The following PIP5K1C variants were observed in gnomAD, a reference collection of about 807,000 sequenced individuals.
PIP5K1C encodes phosphatidylinositol-4-phosphate 5-kinase type 1 gamma.
Under a neutral mutation model 80.1 loss-of-function variants are expected in PIP5K1C, and 45 were observed. That is an observed-to-expected ratio of 0.56 (90% CI 0.44 to 0.72). The LOEUF is 0.72. Ranked by LOEUF, PIP5K1C falls within the 30% of genes least tolerant of loss-of-function variation. The pLI, the probability that PIP5K1C is intolerant of heterozygous loss-of-function variation, is 0.00. For synonymous variants in PIP5K1C, 498 were observed against 420.1 expected (o/e 1.19, Z -2.27); for missense variants, 753 against 954.6 (o/e 0.79, Z 2.78).
chr19:3,643,160 A>G, intron 13 of PIP5K1C, 83 bp downstream of exon 13: 1 of 1,594,250 alleles, frequency 6.3e-7, no homozygotes, highest in Non-Finnish European at 8.5e-7. Flanking sequence ...TGCACAGCGG[A>G]TGCCCCGCCC....
At chr19:3,691,813 G>A (rs1375231395) in intron 1 of PIP5K1C, among the ~76,000 whole-genome samples, 1 of 152,194 alleles carries the variant, frequency 6.6e-6, no homozygotes, top group Non-Finnish European at 1.5e-5. Flanking sequence ...CTGAGAGATC[G>A]GGGAGCAAAA....
intron 1 of PIP5K1C, among the ~76,000 whole-genome samples, chr19:3,695,633 G>A (rs1006746109): frequency 6.6e-6 from 1 of 152,214 alleles, no homozygotes; most frequent in South Asian, 2.1e-4. Flanking sequence ...AGGCGGCCAG[G>A]GCGGGAGAGA....
chr19:3,688,541 C>T lies in PIP5K1C; in HGVS notation c.94+11756G>A, dbSNP rs1207212865. Reference sequence around the variant, plus strand: ...CTGGTTTCAACTCCTGCTGTGAGCACCTGGCCTTTCCCTGGTCCACTGAGA... The same window carrying T: ...CTGGTTTCAACTCCTGCTGTGAGCATCTGGCCTTTCCCTGGTCCACTGAGA... On this transcript the variant is annotated intron_variant, in intron 1 of 17. Transcript: ENST00000335312. This position sits in a 1 kb window ranked among gnomAD's most constrained non-coding sequence, Gnocchi z 5.3. 6.6e-6 allele frequency among the ~76,000 whole-genome samples: 1 copy of T among 152,140 alleles called. No individual in the cohort carries two copies.
At chr19:3,683,346 G>C (rs143895868) in intron 1 of PIP5K1C, among the ~76,000 whole-genome samples, 129 of 152,304 alleles carry the variant, frequency 8.5e-4, no homozygotes, top group Non-Finnish European at 1.5e-3. Flanking sequence ...GCTCAGGAGG[G>C]AAACGGGGTT....
chr19:3,645,456 G>A lies in PIP5K1C; in HGVS notation c.1345+518C>T, dbSNP rs147849555. On this transcript the variant is annotated intron_variant, in intron 11 of 17. Coordinates refer to ENST00000335312, the MANE Select transcript of PIP5K1C (RefSeq NM_012398.3). ...GCCCTGAGAGATGGGGACCTCCCCCGGGCACCCTGTGGGTGAATCCCGAGT... is the reference window on the plus strand; with the variant it reads ...GCCCTGAGAGATGGGGACCTCCCCCAGGCACCCTGTGGGTGAATCCCGAGT... Among the ~76,000 whole-genome samples, 384 of 152,292 alleles carry A rather than the reference G, an allele frequency of 2.5e-3. 5 individuals are homozygous for A. The highest frequency in any genetic ancestry group is 8.8e-3 in the African/African-American group (367 of 41,566).
At chr19:3,675,008 G>A (rs2035315407) in intron 1 of PIP5K1C, among the ~76,000 whole-genome samples, 1 of 152,208 alleles carries the variant, frequency 6.6e-6, no homozygotes, top group South Asian at 2.1e-4. Flanking sequence ...AGGCCATGCA[G>A]TGTGTGACCC....
At chr19:3,634,904 T>C (rs1397469814) in intron 16 of PIP5K1C, among the ~76,000 whole-genome samples, 1 of 152,258 alleles carries the variant, frequency 6.6e-6, no homozygotes, top group East Asian at 1.9e-4. Flanking sequence ...ACTCCTGCAC[T>C]GAGGGGCCAG....
chr19:3,644,468 C>CAT (rs1370629681), intron 11 of PIP5K1C, among the ~76,000 whole-genome samples: 2 of 152,204 alleles, frequency 1.3e-5, no homozygotes, highest in African/African-American at 4.8e-5. Flanking sequence ...ACCCGACTGT[C>CAT]TCTATGAGAC....
At chr19:3,641,865 C>T in intron 14 of PIP5K1C, 56 bp from the exon 15 acceptor site, 2 of 1,413,928 alleles carry the variant, frequency 1.4e-6, no homozygotes, top group Non-Finnish European at 2.0e-6. Flanking sequence ...CCCATCCTAC[C>T]CCCAGGAGTG....
intron 1 of PIP5K1C, among the ~76,000 whole-genome samples, chr19:3,698,530 G>A (rs1317004256): frequency 6.6e-6 from 1 of 152,216 alleles, no homozygotes; most frequent in African/African-American, 2.4e-5. Flanking sequence ...TCTCACCAGG[G>A]CCGTCCTGCC....
chr19:3,636,472 C>T (rs1371008177), intron 16 of PIP5K1C: 1 of 985,582 alleles, frequency 1.0e-6, no homozygotes, highest in East Asian at 1.1e-4. Context: ...TTTCAAAGTC[C>T]AAGCACCCCC....
At chr19:3,645,937 A>G in intron 11 of PIP5K1C, 37 bp downstream of exon 11, 1 of 1,532,320 alleles carries the variant, frequency 6.5e-7, no homozygotes, top group Non-Finnish European at 9.0e-7. Flanking sequence ...GGCCTTCCCC[A>G]GGGTCCCTCC....
intron 1 of PIP5K1C, among the ~76,000 whole-genome samples, chr19:3,698,226 G>A (rs1243394287): frequency 1.3e-5 from 2 of 152,234 alleles, no homozygotes; most frequent in Admixed American, 6.5e-5. Context: ...GTGGCCAACC[G>A]GCACGACAAT....
At chr19:3,636,241 A>T (rs2145367803) in intron 16 of PIP5K1C, 1 of 294,154 alleles carries the variant, frequency 3.4e-6, no homozygotes, top group East Asian at 1.7e-4. Context: ...ACCCTCAGCC[A>T]GCAGCTGGGC....
chr19:3,631,916 G>A lies in PIP5K1C; in HGVS notation c.*1251C>T, dbSNP rs1443326985. 2.0e-5 allele frequency: 3 copies of A among 152,282 alleles called. No homozygotes were observed. The highest frequency in any genetic ancestry group is 4.4e-5 in the Non-Finnish European group (3 of 68,064). 9.4% of individuals were successfully genotyped at this position (152,282 alleles called of 1,614,324 possible). ...ACATCCTGGGCACATCTTGGAAGTGGGGGATTCCCACAGCCATCACCAATA... is the reference window on the plus strand; with the variant it reads ...ACATCCTGGGCACATCTTGGAAGTGAGGGATTCCCACAGCCATCACCAATA... On this transcript the variant is annotated 3_prime_UTR_variant, in exon 18 of 18. Coordinates refer to ENST00000335312, the MANE Select transcript of PIP5K1C (RefSeq NM_012398.3).
chr19:3,666,109 G>A (rs528033867), intron 2 of PIP5K1C, among the ~76,000 whole-genome samples: 1 of 152,304 alleles, frequency 6.6e-6, no homozygotes, highest in Non-Finnish European at 1.5e-5. Context: ...CCCCCACGCC[G>A]GGGGACTCTG....
chr19:3,645,541 GCCT>G (rs963449936), intron 11 of PIP5K1C, among the ~76,000 whole-genome samples: 1 of 152,228 alleles, frequency 6.6e-6, no homozygotes, highest in Non-Finnish European at 1.5e-5. Context: ...TGCTGGGCTA[GCCT>G]CCTGCGTTCC....
At chr19:3,671,011 G>A (rs532112474) in intron 1 of PIP5K1C, among the ~76,000 whole-genome samples, 6 of 152,344 alleles carry the variant, frequency 3.9e-5, no homozygotes, top group South Asian at 4.1e-4. Flanking sequence ...TTGGGTTGGC[G>A]GCCCGGGAGC....
chr19:3,668,857 G>A (rs551115706), intron 1 of PIP5K1C, among the ~76,000 whole-genome samples: 9 of 152,304 alleles, frequency 5.9e-5, no homozygotes, highest in African/African-American at 2.2e-4. Flanking sequence ...AGTTCCAGGC[G>A]GAGGGAACGG....
Sources: allele counts gnomAD v4.1 joint callset (sites outside exome capture counted in the v4.1 genomes callset), GRCh38; gene constraint gnomAD v4.1.1; non-coding constraint Gnocchi (gnomAD v3.1); transcripts MANE v1.5; gene names NCBI Gene and HGNC (gene_info 2026-07-23, HGNC 2026-07-21).